Variants in HEXD observed in about 807,000 individuals in gnomAD.
The protein encoded by HEXD is hexosaminidase D.
In HEXD, 47 loss-of-function variants were observed where a neutral mutation model predicts 54.2. The ratio of observed to expected loss-of-function variants is 0.87; its 90% CI spans 0.69 to 1.11. The LOEUF is 1.11. Among genes scored for constraint, HEXD ranks in the 50% least tolerant of loss-of-function variants. The probability of loss-of-function intolerance (pLI) is 0.00; values close to 1 mark genes in which losing one functional copy is unlikely to be tolerated. For synonymous variants in HEXD, 293 were observed against 287.6 expected (o/e 1.02, Z -0.19); for missense variants, 576 against 649.2 (o/e 0.89, Z 1.23).
At chr17:82,439,774 G>A (rs535113231) in intron 9 of HEXD, 61 bp downstream of exon 9, 2 of 1,597,880 alleles carry the variant, frequency 1.3e-6, no homozygotes, top group Admixed American at 1.7e-5. Flanking sequence ...CCGGAGGGCA[G>A]GAGGCCAAGC....
intron 4 of HEXD, among the ~76,000 whole-genome samples, chr17:82,429,496 CTA>C (rs2053516983): frequency 6.6e-6 from 1 of 152,096 alleles, no homozygotes; most frequent in African/African-American, 2.4e-5. Context: ...TCCAGCCTTT[CTA>C]GTTGATTCTC....
intron 4 of HEXD, among the ~76,000 whole-genome samples, chr17:82,429,476 A>G (rs1050915004): frequency 2.0e-5 from 3 of 152,076 alleles, no homozygotes; most frequent in Non-Finnish European, 2.9e-5. Context: ...TCCTTCCCAC[A>G]GCTCGGTCCT....
Position 82,441,011 on chromosome 17 carries a change from G to A in HEXD, c.997G>A (p.Asp333Asn). The A allele has an allele frequency of 3.7e-6, 6 of 1,613,532 alleles. No homozygotes were observed. Among genetic ancestry groups the A allele is most frequent in the South Asian group, 1.1e-5 (1 of 91,076 alleles). ...TGTGATTTCAGGAGGATTTGATGAA[G>A]ATGTTAAAGCGAAAGTGGAGAACCT... ...QLLLRGGFDE[D>N]VKAKVENLLG... Residue 333 changes from aspartate to asparagine, a missense_variant, in exon 10 of 13, where the codon GAT becomes AAT. Physicochemically the swap from Asp to Asn is conservative, Grantham distance 23. Coordinates refer to ENST00000327949, the MANE Select transcript of HEXD (RefSeq NM_001330542.2).
Position 82,428,965 on chromosome 17 carries a change from G to A in HEXD, c.282+320G>A, listed in dbSNP as rs199763253. ...AAACACAGTATTAGGGAAAGAAAAG[G>A]TGCTTTTCAGGCCAGGTGCGGTGGC... On this transcript the variant is annotated intron_variant, in intron 4 of 12. Transcript: ENST00000327949. Among the ~76,000 whole-genome samples, 4 of 152,128 alleles carry A rather than the reference G, an allele frequency of 2.6e-5. No homozygotes were observed. The East Asian group carries it at 7.7e-4, about 29-fold the overall frequency.
At chr17:82,435,899 G>A (rs755359464) in intron 6 of HEXD, 27 bp downstream of exon 6, 2 of 1,590,242 alleles carry the variant, frequency 1.3e-6, no homozygotes, top group Non-Finnish European at 1.7e-6. Flanking sequence ...GGGGGAGGGG[G>A]TGGGCCACTG....
In HEXD at chr17:82,434,730, C is replaced by G. The variant is rs2053710708; in HGVS notation, c.447+908C>G. Among the ~76,000 whole-genome samples the G allele has an allele frequency of 6.6e-6, 1 of 151,984 alleles. No individual in the cohort carries two copies. Among genetic ancestry groups the G allele is most frequent in the Admixed American group, 6.6e-5 (1 of 15,262 alleles). On this transcript the variant is annotated intron_variant, in intron 5 of 12. Coordinates refer to ENST00000327949, the MANE Select transcript of HEXD (RefSeq NM_001330542.2). The surrounding 1 kb of genome is among the most constrained non-coding windows in gnomAD (Gnocchi z 4.5). The stretch of plus-strand genomic sequence containing the variant: ...GCGGGCGCCTGTAATCCCAGCTACT[C>G]AGGAGGCTGAGGCACGAGAATCGCT...
intron 3 of HEXD, chr17:82,426,220 G>A (rs543458401): frequency 1.2e-4 from 18 of 152,428 alleles, no homozygotes; most frequent in African/African-American, 4.3e-4. Context: ...TAGGGCTTCT[G>A]CCTGGGAAGA....
intron 9 of HEXD, 81 bp from the exon 10 acceptor site, chr17:82,440,916 A>T: frequency 1.3e-6 from 2 of 1,501,424 alleles, no homozygotes; most frequent in Non-Finnish European, 1.8e-6. Flanking sequence ...CTGCCCCAGT[A>T]CCTAGGCCTG....
chr17:82,420,048 T>A, intron 2 of HEXD, 165 bp downstream of exon 2: 2 of 382,832 alleles, frequency 5.2e-6, no homozygotes, highest in Non-Finnish European at 9.2e-6. Context: ...CTCCATAGCC[T>A]CTCACAAAAA....
At chr17:82,428,831 G>T (rs1023006093) in intron 4 of HEXD, among the ~76,000 whole-genome samples, 186 bp downstream of exon 4, 1 of 152,190 alleles carries the variant, frequency 6.6e-6, no homozygotes, top group African/African-American at 2.4e-5. Context: ...AGAGCTGCAG[G>T]TTGGGGCTGC....
At chr17:82,420,915 A>T (rs577639279) in intron 2 of HEXD, among the ~76,000 whole-genome samples, 13 of 152,260 alleles carry the variant, frequency 8.5e-5, no homozygotes, top group African/African-American at 1.2e-4. Context: ...GAAAACTAAG[A>T]CACTCTTCAA....
chr17:82,440,284 G>A (rs146390016), intron 9 of HEXD: 117 of 1,281,860 alleles, frequency 9.1e-5, no homozygotes, highest in South Asian at 2.0e-4. Flanking sequence ...GCCGAGACGC[G>A]CGGAGAGCGG....
At chr17:82,428,804 C>G (rs1238669569) in intron 4 of HEXD, among the ~76,000 whole-genome samples, 159 bp downstream of exon 4, 1 of 152,164 alleles carries the variant, frequency 6.6e-6, no homozygotes, top group African/African-American at 2.4e-5. Context: ...TCTAGGAAGT[C>G]CCTGCCTGAC....
At chr17:82,438,714 G>A (rs1206369897) in intron 8 of HEXD, among the ~76,000 whole-genome samples, 1 of 152,260 alleles carries the variant, frequency 6.6e-6, no homozygotes, top group African/African-American at 2.4e-5. Flanking sequence ...CTCAGATTGA[G>A]ATGGAGTCAA....
Position 82,435,688 on chromosome 17 carries a change from G to C in HEXD, c.448-1G>C, listed in dbSNP as rs1267200447. ...AACCCCGTCCTGCTCCTTCCTTGCA[G>C]GTCTATTACCTCGGAGAGGGGGAGG... On this transcript the variant is annotated splice_acceptor_variant, in intron 5 of 12. Transcript: ENST00000327949. LOFTEE classifies it high-confidence loss of function. 6.2e-7 allele frequency: 1 copy of C among 1,610,592 alleles called. No homozygotes were observed. Among genetic ancestry groups the C allele is most frequent in the Non-Finnish European group, 8.5e-7 (1 of 1,178,190 alleles).
rs763342378 is a variant in HEXD at position 82,424,409 on chromosome 17, C to T, written c.100C>T (p.Arg34Cys). 1.9e-6 allele frequency: 3 copies of T among 1,613,832 alleles called. No individual in the cohort carries two copies. Among genetic ancestry groups the T allele is most frequent in the Admixed American group, 1.7e-5 (1 of 60,014 alleles). ...TACCCCCCAGATTTTTCCTCTGTTC[C>T]GTGCGCTAGGTGCAAACGGCCTCCT... ...SYLSEIFPLFRALGANGLLIE... is the reference protein window; with the variant it reads ...SYLSEIFPLFCALGANGLLIE... Residue 34 changes from arginine to cysteine, a missense_variant, in exon 3 of 13, where the codon CGT becomes TGT. Coordinates refer to ENST00000327949, the MANE Select transcript of HEXD (RefSeq NM_001330542.2).
chr17:82,433,696 G>A lies in HEXD; in HGVS notation c.321G>A (p.Glu107=). The change falls in exon 5 of 13, where the codon GAG becomes GAA. Residue 107 remains glutamate, a synonymous_variant. Coordinates refer to ENST00000327949, the MANE Select transcript of HEXD (RefSeq NM_001330542.2). The stretch of plus-strand genomic sequence containing the variant: ...ACACGGCCTTCGCCCACCTGCGGGA[G>A]GTGGGCTCCTTCCCCTGCACCCTGA... The part of the protein sequence containing the change: ...LKHTAFAHLR[E]VGSFPCTLNP... 1.2e-6 allele frequency: 2 copies of A among 1,610,536 alleles called. No individual in the cohort carries two copies. Among genetic ancestry groups the A allele is most frequent in the Admixed American group, 1.7e-5 (1 of 59,592 alleles).
chr17:82,430,130 G>C (rs564192912), intron 4 of HEXD, among the ~76,000 whole-genome samples: 8 of 152,166 alleles, frequency 5.3e-5, no homozygotes, highest in Admixed American at 5.2e-4. Flanking sequence ...TTCCTAATGG[G>C]TCTCCCGGGG....
At chr17:82,419,296 T>G (rs548653413) in intron 1 of HEXD, among the ~76,000 whole-genome samples, 1 of 152,164 alleles carries the variant, frequency 6.6e-6, no homozygotes, top group Admixed American at 6.5e-5. Flanking sequence ...TTCTTCCTCT[T>G]TATAATCAAG....
Sources: gnomAD v4.1 joint callset for allele counts (sites outside exome capture counted in the v4.1 genomes callset) on GRCh38, gnomAD v4.1.1 for gene constraint, Gnocchi (gnomAD v3.1) non-coding constraint, MANE v1.5 for transcripts, NCBI Gene and HGNC (gene_info 2026-07-23, HGNC 2026-07-21) for gene names.